Variants in CHUK observed in about 807,000 individuals in gnomAD.
The protein encoded by CHUK is inhibitor of nuclear factor kappa-B kinase subunit alpha.
A neutral mutation model predicts 104.8 loss-of-function variants in CHUK; 35 were observed. The ratio of observed to expected loss-of-function variants is 0.33; its 90% confidence interval spans 0.26 to 0.44. The LOEUF is 0.44. CHUK is among the 20% of genes least tolerant of loss of function. CHUK has a pLI of 1.00. For synonymous variants in CHUK, 276 were observed against 291.9 expected, an observed-to-expected ratio of 0.95 and a Z score of 0.56; for missense variants, 663 against 902.7, an observed-to-expected ratio of 0.73 and a Z score of 3.40.
chr10:100,205,698 C>A (rs1040502243), intron 11 of CHUK, among the ~76,000 whole-genome samples: 31 of 152,152 alleles, frequency 2.0e-4, no homozygotes, highest in African/African-American at 7.2e-4. Flanking sequence ...GAAGCCAAGG[C>A]GGGCAGATCC....
chr10:100,217,252 T>TA (rs60186341), intron 9 of CHUK, among the ~76,000 whole-genome samples: 8,589 of 125,188 alleles, frequency 0.069, 694 homozygotes, highest in African/African-American at 0.2. Flanking sequence ...CTTGACTTGT[T>TA]AAAAAAAAAA....
At chr10:100,205,810 C>T (rs1164738528) in intron 11 of CHUK, among the ~76,000 whole-genome samples, 1 of 152,136 alleles carries the variant, frequency 6.6e-6, no homozygotes, top group South Asian at 2.1e-4. Context: ...CACCTATAAT[C>T]CCAGCTACTC....
intron 2 of CHUK, among the ~76,000 whole-genome samples, chr10:100,224,133 G>A (rs1330115358): frequency 6.6e-6 from 1 of 151,528 alleles, no homozygotes; most frequent in Non-Finnish European, 1.5e-5. Context: ...TCTTTCTGAG[G>A]AAAAGATCTT....
chr10:100,193,817 C>A, intron 18 of CHUK, 167 bp downstream of exon 18: 1 of 667,546 alleles, frequency 1.5e-6, no homozygotes, highest in Admixed American at 2.3e-5. Flanking sequence ...ATAATAAGTC[C>A]TGCATCTCAA....
intron 9 of CHUK, among the ~76,000 whole-genome samples, chr10:100,210,111 G>A (rs1455041014): frequency 5.6e-5 from 7 of 125,096 alleles, no homozygotes; most frequent in African/African-American, 1.1e-4. Flanking sequence ...TTTTTGAGAC[G>A]GAGTCTCGCT....
intron 19 of CHUK, chr10:100,192,898 A>G (rs1409693868): frequency 4.0e-6 from 1 of 249,402 alleles, no homozygotes; most frequent in African/African-American, 2.3e-5. Context: ...TAAATGCAAA[A>G]TGATAGCATA....
chr10:100,207,192 C>T (rs779669516), intron 11 of CHUK, 38 bp downstream of exon 11: 1 of 920,410 alleles, frequency 1.1e-6, no homozygotes. Context: ...TATATTAATT[C>T]ATGTTTAAAG....
chr10:100,186,402 C>A, downstream of CHUK: 1 of 184,826 alleles, frequency 5.4e-6, no homozygotes, highest in Non-Finnish European at 1.0e-5. Flanking sequence ...CGGCAGAGAT[C>A]CTGCCCTTCA....
In CHUK at chr10:100,211,574, A is replaced by G. The variant is rs1176484710; in HGVS notation, c.934-1785T>C. Among the ~76,000 whole-genome samples the G allele has an allele frequency of 2.6e-5, 4 of 152,222 alleles. No homozygotes were observed. The East Asian group carries it at 7.7e-4, about 29-fold the overall frequency. ...ATTATAGATTCCACATGTAAGTGAG[A>G]TCACGCAGTATTTCTCTTTCTGTGA... is the stretch of plus-strand genomic sequence containing the variant. On this transcript the variant is annotated intron_variant, in intron 9 of 20. Coordinates refer to ENST00000370397, the MANE Select transcript of CHUK (RefSeq NM_001278.5).
chr10:100,210,178 C>T (rs932676470), intron 9 of CHUK, among the ~76,000 whole-genome samples: 1 of 148,970 alleles, frequency 6.7e-6, no homozygotes, highest in Admixed American at 6.7e-5. Flanking sequence ...AGCTCCGCCT[C>T]CCGGGTTCAC....
In CHUK at chr10:100,229,591, G is replaced by C. The variant is rs1424967122; in HGVS notation, c.-59C>G. ...GTTGTTCCAAGGCCGGTTCCGGGCC[G>C]CCGATGCTCGCGCGTCTTTGTTCTC... On this transcript the variant is annotated 5_prime_UTR_variant, in exon 1 of 21. Transcript: ENST00000370397. 3 of 994,768 alleles carry C rather than the reference G, an allele frequency of 3.0e-6. No individual in the cohort carries two copies. The highest frequency in any genetic ancestry group is 4.4e-6 in the Non-Finnish European group (3 of 677,940). 61.6% of individuals were successfully genotyped at this position (994,768 alleles called of 1,614,324 possible). A position where few individuals can be genotyped will look rare whatever the true frequency, so the allele number is the denominator to read the frequency against.
In CHUK at chr10:100,188,588, CCA is replaced by C. The variant is rs1426750742; in HGVS notation, c.*1008_*1009del. ...ACCATACTACATTAACCAGCCCTCA[CCA>C]CAGTCTGTGGCAGCAGCCCTCCCTC... is the stretch of plus-strand genomic sequence containing the variant. On this transcript the variant is annotated 3_prime_UTR_variant, in exon 21 of 21. Coordinates refer to ENST00000370397, the MANE Select transcript of CHUK (RefSeq NM_001278.5). The C allele has an allele frequency of 1.3e-5, 2 of 152,580 alleles. No homozygotes were observed. Among genetic ancestry groups the C allele is most frequent in the African/African-American group, 4.8e-5 (2 of 41,434 alleles). The allele number at this position is 152,580 out of a possible 1,614,324, so 9.5% of individuals were successfully genotyped here.
chr10:100,210,099 T>TTATTTATTTA (rs1564836603), intron 9 of CHUK, among the ~76,000 whole-genome samples: 1 of 132,744 alleles, frequency 7.5e-6, no homozygotes, highest in Non-Finnish European at 1.6e-5. Context: ...TTATTTTTTT[T>TTATTTATTTA]TTTTTTGAGA....
At chr10:100,219,166 T>C (rs762953835) in intron 6 of CHUK, 34 bp from the exon 7 acceptor site, 3 of 1,610,196 alleles carry the variant, frequency 1.9e-6, no homozygotes, top group Non-Finnish European at 2.5e-6. Context: ...ACACCAACAC[T>C]GTATGGGAAA....
At chr10:100,206,124 T>C (rs994220834) in intron 11 of CHUK, among the ~76,000 whole-genome samples, 2 of 151,964 alleles carry the variant, frequency 1.3e-5, no homozygotes, top group Non-Finnish European at 2.9e-5. Flanking sequence ...GATGAGATCT[T>C]AGAACAGAAA....
Position 100,190,897 on chromosome 10 carries a change from G to A in CHUK, c.2180C>T (p.Ala727Val). The A allele has an allele frequency of 6.2e-7, 1 of 1,609,996 alleles. No homozygotes were observed. Among genetic ancestry groups the A allele is most frequent in the Non-Finnish European group, 8.5e-7 (1 of 1,176,220 alleles). The change falls in exon 20 of 21, where the codon GCA (alanine) becomes GTA (valine). Residue 727 changes from alanine to valine, a missense_variant. Physicochemically the swap from Ala to Val is moderately conservative, Grantham distance 64 (BLOSUM62 0). This residue lies in a region of CHUK where 311 missense variants were observed against 393.4 expected (regional missense o/e 0.79). Coordinates refer to ENST00000370397, the MANE Select transcript of CHUK (RefSeq NM_001278.5). ...LGHLSTIIHE[A>V]NEEQGNSMMN... Reference sequence around the variant, plus strand: ...CATACTATTGCCCTGTTCCTCATTTGCCTCATGAATAATAGTGCTTAAATG... The same window carrying A: ...CATACTATTGCCCTGTTCCTCATTTACCTCATGAATAATAGTGCTTAAATG...
chr10:100,224,637 A>G (rs1466155373), intron 2 of CHUK, among the ~76,000 whole-genome samples: 1 of 151,860 alleles, frequency 6.6e-6, no homozygotes, highest in Non-Finnish European at 1.5e-5. Flanking sequence ...GGGTTTTGCC[A>G]TGTTGACCGG....
rs779353891 is a variant in CHUK at position 100,204,540 on chromosome 10, C to T, written c.1473G>A (p.Leu491=). 2 of 1,613,658 alleles carry T rather than the reference C, an allele frequency of 1.2e-6. No individual in the cohort carries two copies. Among genetic ancestry groups the T allele is most frequent in the Admixed American group, 1.7e-5 (1 of 60,018 alleles). ...ACGTCATCTGCTCGCTGTATCTCTC[C>T]AAGTCAAGCTGAATGCTTTTGTGAA... ...EFFHKSIQLD[L]ERYSEQMTYG... is the part of the protein sequence containing the mutation. The change falls in exon 13 of 21, where the codon TTG becomes TTA. Residue 491 remains leucine, a synonymous_variant. Transcript: ENST00000370397.
In CHUK at chr10:100,207,289, T is replaced by C; in HGVS notation, c.1172A>G (p.Lys391Arg). ...SYMVYLFDKS[K>R]TVYEGPFASR... ...AGCAAATGGCCCTTCATATACAGTT[T>C]TACTTTTATCAAACAAATAAACCAT... Residue 391 changes from lysine (K) to arginine (R), a missense_variant, in exon 11 of 21, where the codon AAA becomes AGA. Physicochemically the swap from Lys to Arg is conservative, Grantham distance 26. Around this residue, in one of 5 missense-constraint regions of CHUK, gnomAD observed 15 missense variants for 41.3 expected, o/e 0.36. Coordinates refer to ENST00000370397, the MANE Select transcript of CHUK (RefSeq NM_001278.5). 6.3e-7 allele frequency: 1 copy of C among 1,575,522 alleles called. No individual in the cohort carries two copies. The highest frequency in any genetic ancestry group is 2.2e-5 in the East Asian group (1 of 44,586).
Sources: gnomAD v4.1 joint callset for allele counts (sites outside exome capture counted in the v4.1 genomes callset) on GRCh38, gnomAD v4.1.1 for gene constraint, gnomAD v4.1.1 regional missense constraint, MANE v1.5 for transcripts, NCBI Gene and HGNC (gene_info 2026-07-23, HGNC 2026-07-21) for gene names.